SCCPDH: variants seen among roughly 807,000 people sequenced by gnomAD.
SCCPDH encodes saccharopine dehydrogenase-like oxidoreductase.
A neutral mutation model predicts 51.5 loss-of-function variants in SCCPDH; 34 were observed. The observed-to-expected ratio is 0.66, with a 90% confidence interval of 0.50 to 0.88. The LOEUF is 0.88. SCCPDH is among the 40% of genes least tolerant of loss of function. The probability of loss-of-function intolerance (pLI) is 0.00; values close to 1 mark genes in which losing one functional copy is unlikely to be tolerated. For missense variants in SCCPDH, 464 were observed against 527.1 expected (o/e 0.88, Z 1.17); for synonymous variants, 187 against 191.3 (o/e 0.98, Z 0.19).
intron 9 of SCCPDH, among the ~76,000 whole-genome samples, chr1:246,763,767 G>T (rs895285547): frequency 6.6e-6 from 1 of 152,148 alleles, no homozygotes; most frequent in Non-Finnish European, 1.5e-5. Context: ...GATCATGATT[G>T]AATTCTTTAT....
rs1044061443 is a variant in SCCPDH, at chr1:246,765,192, G to C, written c.1102+835G>C. Among the ~76,000 whole-genome samples the C allele has an allele frequency of 2.7e-4, 40 of 147,436 alleles. 1 individual carries two copies. Among genetic ancestry groups the C allele is most frequent in the Non-Finnish European group, 5.3e-4 (35 of 66,632 alleles). ...AGACAGACAGGTCCACTTGTGAACT[G>C]TGGTATAATTACTGTCAGAGACAGA... On this transcript the variant is annotated intron_variant, in intron 10 of 11. Coordinates refer to ENST00000366510, the MANE Select transcript of SCCPDH (RefSeq NM_016002.3).
rs762896154 is a variant in SCCPDH at position 246,759,095 on chromosome 1, G to T, written c.757G>T (p.Val253Leu). ...TTCCATTCCTTTTATGGGATCTGAT[G>T]TGTCTGTTGTAAGGAGGACTCAACG... ...GYSIPFMGSDVSVVRRTQRYL... is the reference protein window; with the variant it reads ...GYSIPFMGSDLSVVRRTQRYL... Residue 253 changes from valine to leucine, a missense_variant, in exon 7 of 12, where the codon GTG (valine) becomes TTG (leucine). By Grantham distance (32) the Val-to-Leu change is conservative (BLOSUM62 1). Coordinates refer to ENST00000366510, the MANE Select transcript of SCCPDH (RefSeq NM_016002.3). 1 of 1,612,668 alleles carries T rather than the reference G, an allele frequency of 6.2e-7. No homozygotes were observed. The highest frequency in any genetic ancestry group is 1.1e-5 in the South Asian group (1 of 91,064).
chr1:246,733,422 C>T (rs917677853), intron 2 of SCCPDH, among the ~76,000 whole-genome samples: 5 of 150,092 alleles, frequency 3.3e-5, no homozygotes, highest in African/African-American at 1.2e-4. Context: ...ATATATAGTC[C>T]TTATATGTAT....
At chr1:246,730,658 G>C (rs570923146) in intron 2 of SCCPDH, among the ~76,000 whole-genome samples, 1 of 152,192 alleles carries the variant, frequency 6.6e-6, no homozygotes, top group Non-Finnish European at 1.5e-5. Context: ...TCATGTTTTT[G>C]TAAACATTAA....
In SCCPDH at chr1:246,760,161, T is replaced by G; in HGVS notation, c.934-10T>G. ...AAAAAATATCACTGACGGTTTTTTT[T>G]TCCCTTTAGTTCCCATGGTTCTTCT... is the stretch of plus-strand genomic sequence containing the variant. On this transcript the variant is annotated splice_polypyrimidine_tract_variant and intron_variant, in intron 8 of 11. Transcript: ENST00000366510. 6.3e-7 allele frequency: 1 copy of G among 1,599,270 alleles called. No individual in the cohort carries two copies. Among genetic ancestry groups the G allele is most frequent in the Non-Finnish European group, 8.5e-7 (1 of 1,176,224 alleles).
At chr1:246,743,732 T>C (rs1439939915) in intron 4 of SCCPDH, among the ~76,000 whole-genome samples, 2 of 152,148 alleles carry the variant, frequency 1.3e-5, no homozygotes, top group African/African-American at 4.8e-5. Context: ...TGTTGCTTTA[T>C]TGGGGGAGAT....
At chr1:246,747,583 G>A (rs1320598834) in intron 5 of SCCPDH, among the ~76,000 whole-genome samples, 1 of 152,156 alleles carries the variant, frequency 6.6e-6, no homozygotes, top group African/African-American at 2.4e-5. Context: ...TCTATAGAAG[G>A]GTGCATCTCG....
At chr1:246,758,497 G>A (rs1232519315) in intron 6 of SCCPDH, 141 bp downstream of exon 6, 4 of 542,228 alleles carry the variant, frequency 7.4e-6, no homozygotes, top group Non-Finnish European at 1.2e-5. Context: ...AGATAAATAA[G>A]ATATAATTAA....
chr1:246,748,034 C>A (rs910386126), intron 5 of SCCPDH, among the ~76,000 whole-genome samples: 4 of 152,180 alleles, frequency 2.6e-5, no homozygotes, highest in African/African-American at 9.6e-5. Flanking sequence ...TTCTATCCTA[C>A]AATTTCCCCC....
At chr1:246,750,746 C>T (rs142042568) in intron 5 of SCCPDH, among the ~76,000 whole-genome samples, 3 of 152,316 alleles carry the variant, frequency 2.0e-5, no homozygotes, top group African/African-American at 4.8e-5. Flanking sequence ...TTGTACCCAA[C>T]GAGTAAGGTG....
intron 2 of SCCPDH, 129 bp from the exon 3 acceptor site, chr1:246,735,846 T>C (rs1185501148): frequency 4.8e-6 from 3 of 622,368 alleles, no homozygotes; most frequent in African/African-American, 1.9e-5. Flanking sequence ...TCTGAATTTA[T>C]CTTTAGGCTA....
At chr1:246,738,285 G>A (rs1668628224) in intron 3 of SCCPDH, among the ~76,000 whole-genome samples, 1 of 151,250 alleles carries the variant, frequency 6.6e-6, no homozygotes. Flanking sequence ...GGCCGAGGCA[G>A]GCGGATCACG....
At chr1:246,736,088 A>G (rs779931756) in intron 3 of SCCPDH, 33 bp downstream of exon 3, 1 of 1,458,664 alleles carries the variant, frequency 6.9e-7, no homozygotes, top group Admixed American at 1.8e-5. Flanking sequence ...ACGTAGAATT[A>G]ACACATAAAT....
At chr1:246,763,763 G>T (rs1669051584) in intron 9 of SCCPDH, among the ~76,000 whole-genome samples, 1 of 152,126 alleles carries the variant, frequency 6.6e-6, no homozygotes. Context: ...TGTTGATCAT[G>T]ATTGAATTCT....
chr1:246,737,870 G>A (rs1213495184), intron 3 of SCCPDH, among the ~76,000 whole-genome samples: 1 of 152,058 alleles, frequency 6.6e-6, no homozygotes, highest in Admixed American at 6.5e-5. Context: ...GGGATTACAG[G>A]CATGAGCCAC....
At chr1:246,724,875 T>A (rs1280597121) in intron 1 of SCCPDH, among the ~76,000 whole-genome samples, 2 of 152,168 alleles carry the variant, frequency 1.3e-5, no homozygotes, top group Non-Finnish European at 2.9e-5. Flanking sequence ...CTTTTTGCAT[T>A]TCTGCCTCAG....
intron 5 of SCCPDH, among the ~76,000 whole-genome samples, chr1:246,747,262 T>A (rs1668775239): frequency 6.6e-6 from 1 of 152,198 alleles, no homozygotes; most frequent in Non-Finnish European, 1.5e-5. Flanking sequence ...CATGATTTCT[T>A]GGGAAGAGCT....
chr1:246,730,042 A>T (rs754342228), intron 2 of SCCPDH, among the ~76,000 whole-genome samples: 1 of 150,578 alleles, frequency 6.6e-6, no homozygotes, highest in African/African-American at 2.5e-5. Flanking sequence ...CCCATATTTT[A>T]AAAAAAGCTG....
At position 246,761,562 on chromosome 1, in the gene SCCPDH, C is replaced by T. The variant is rs367652552; in HGVS notation, c.990+1335C>T. ...CCGTGAAACAATAACTCCTCATTTC[C>T]GCCCTCCCCCAGCCCCGGCAACCGC... On this transcript the variant is annotated intron_variant, in intron 9 of 11. Transcript: ENST00000366510. 2.6e-4 allele frequency among the ~76,000 whole-genome samples: 40 copies of T among 152,278 alleles called. No homozygotes were observed. In the East Asian group the frequency reaches 5.2e-3, roughly 20 times the overall value.
Sources: allele counts gnomAD v4.1 joint callset (sites outside exome capture counted in the v4.1 genomes callset), GRCh38; gene constraint gnomAD v4.1.1; transcripts MANE v1.5; gene names NCBI Gene and HGNC (gene_info 2026-07-23, HGNC 2026-07-21).